The following SLC45A4 variants were observed in gnomAD, a reference collection of about 807,000 sequenced individuals.
SLC45A4 encodes the protein polyamine-transporter SLC45A4.
Under a neutral mutation model 63.7 loss-of-function variants are expected in SLC45A4, and 32 were observed. The observed-to-expected ratio is 0.50, with a 90% CI of 0.38 to 0.67. The LOEUF is 0.67. Ranked by LOEUF, SLC45A4 falls within the 30% of genes least tolerant of loss-of-function variation. The probability of loss-of-function intolerance (pLI) is 0.00; values close to 1 mark genes in which losing one functional copy is unlikely to be tolerated. For synonymous variants in SLC45A4, 535 were observed against 510.0 expected (o/e 1.05, Z -0.66); for missense variants, 1,027 against 1,157.7 (o/e 0.89, Z 1.64).
chr8:141,269,906 G>A (rs1000869046), intron 1 of SLC45A4, among the ~76,000 whole-genome samples: 2 of 152,140 alleles, frequency 1.3e-5, no homozygotes, highest in African/African-American at 4.8e-5. Flanking sequence ...TGTGTCTATG[G>A]CTGGCATCCC....
chr8:141,289,773 C>T (rs929550134), intron 1 of SLC45A4, among the ~76,000 whole-genome samples: 29 of 152,082 alleles, frequency 1.9e-4, no homozygotes, highest in African/African-American at 6.5e-4. Flanking sequence ...GCCCATGGCC[C>T]GGGGTCTTCC....
chr8:141,218,438 AC>A lies in SLC45A4; in HGVS notation c.1201del (p.Val401TrpfsTer48). ...CGACGTGGCCGAGGGCTTCGTGTCC[AC>A]CCTGGTGTAGCCGCCGAGGGCGTCT... is the stretch of plus-strand genomic sequence containing the variant. ...TKDALGGYTR[V>X]DTKPSATSSS... On this transcript the variant is annotated frameshift_variant, in exon 5 of 9. Coordinates refer to ENST00000517878, the MANE Select transcript of SLC45A4 (RefSeq NM_001286646.2). LOFTEE classifies it high-confidence loss of function. The A allele has an allele frequency of 6.2e-7, 1 of 1,612,096 alleles. No individual in the cohort carries two copies. Among genetic ancestry groups the A allele is most frequent in the Non-Finnish European group, 8.5e-7 (1 of 1,179,884 alleles).
At chr8:141,246,315 G>A (rs914738261) in intron 2 of SLC45A4, among the ~76,000 whole-genome samples, 10 of 152,168 alleles carry the variant, frequency 6.6e-5, no homozygotes, top group Non-Finnish European at 8.8e-5. Flanking sequence ...CAACAGTGAC[G>A]GCCACATACC....
At chr8:141,261,108 C>T (rs1176615399) in intron 1 of SLC45A4, among the ~76,000 whole-genome samples, 3 of 152,180 alleles carry the variant, frequency 2.0e-5, no homozygotes, top group African/African-American at 7.2e-5. Context: ...CGTATAAACA[C>T]AACCAAAGAC....
intron 1 of SLC45A4, among the ~76,000 whole-genome samples, chr8:141,297,786 C>T (rs1260713711): frequency 6.6e-6 from 1 of 152,194 alleles, no homozygotes; most frequent in African/African-American, 2.4e-5. Flanking sequence ...CTGCCACTGG[C>T]TAGTTCACTT....
At chr8:141,238,522 G>A (rs1186419916) in intron 2 of SLC45A4, among the ~76,000 whole-genome samples, 1 of 152,062 alleles carries the variant, frequency 6.6e-6, no homozygotes, top group Non-Finnish European at 1.5e-5. Context: ...CTGCCTCTAT[G>A]AATCTGACAC....
At chr8:141,231,455 A>G (rs1395157291) in intron 2 of SLC45A4, among the ~76,000 whole-genome samples, 1 of 152,192 alleles carries the variant, frequency 6.6e-6, no homozygotes, top group Non-Finnish European at 1.5e-5. Flanking sequence ...CTTGGATCAC[A>G]AGGTCACCAC....
In SLC45A4 at chr8:141,215,711, G is replaced by T; in HGVS notation, c.1941+48C>A. On this transcript the variant is annotated intron_variant, in intron 7 of 8. Transcript: ENST00000517878. This position sits in a 1 kb window ranked among gnomAD's most constrained non-coding sequence, Gnocchi z 4.3. ...AGGGCTCTGCTCTGTATGGAGGGAA[G>T]GCACTCAGGAGGCTGGAGCGCAGAT... 6.3e-7 allele frequency: 1 copy of T among 1,576,818 alleles called. No homozygotes were observed.
At chr8:141,250,941 A>C (rs889012832) in intron 2 of SLC45A4, among the ~76,000 whole-genome samples, 16 of 152,232 alleles carry the variant, frequency 1.1e-4, no homozygotes, top group Admixed American at 1.0e-3. Context: ...AAAGTATGAA[A>C]ATTCCAAGGT....
intron 1 of SLC45A4, among the ~76,000 whole-genome samples, chr8:141,304,660 C>T (rs1830846893): frequency 6.6e-6 from 1 of 151,998 alleles, no homozygotes; most frequent in South Asian, 2.1e-4. Context: ...CAGAGCCCTT[C>T]TCTCCATCAT....
intron 2 of SLC45A4, among the ~76,000 whole-genome samples, chr8:141,249,017 T>TAAAAA (rs34897440): frequency 1.7e-5 from 2 of 119,334 alleles, no homozygotes; most frequent in South Asian, 2.7e-4. Flanking sequence ...GACCCCATCT[T>TAAAAA]AAAAAAAAAA....
chr8:141,258,274 C>A (rs1328606130), intron 1 of SLC45A4, among the ~76,000 whole-genome samples: 1 of 152,128 alleles, frequency 6.6e-6, no homozygotes, highest in Non-Finnish European at 1.5e-5. Context: ...CCACACCCCC[C>A]AGCCTCACTC....
intron 1 of SLC45A4, among the ~76,000 whole-genome samples, chr8:141,260,843 G>C (rs1034126870): frequency 3.9e-5 from 6 of 152,158 alleles, no homozygotes; most frequent in Non-Finnish European, 7.4e-5. Context: ...CCAATCAATA[G>C]AAAAAGAGGG....
chr8:141,216,040 C>T, intron 6 of SLC45A4, 70 bp from the exon 7 acceptor site: 2 of 1,396,872 alleles, frequency 1.4e-6, no homozygotes, highest in South Asian at 2.5e-5. Context: ...CCTCCACCAT[C>T]CCTCCCCTCG....
intron 1 of SLC45A4, among the ~76,000 whole-genome samples, chr8:141,271,493 A>G (rs1829517874): frequency 6.6e-6 from 1 of 152,174 alleles, no homozygotes; most frequent in African/African-American, 2.4e-5. Flanking sequence ...AAGGCCACAC[A>G]CAGCTGGACA....
chr8:141,231,589 C>G (rs972299140), intron 2 of SLC45A4, among the ~76,000 whole-genome samples: 1 of 152,214 alleles, frequency 6.6e-6, no homozygotes, highest in Non-Finnish European at 1.5e-5. Context: ...CTGCGGGACC[C>G]ACACCGAGTG....
At chr8:141,307,924 G>A (rs1830951293) in intron 1 of SLC45A4, among the ~76,000 whole-genome samples, 172 bp downstream of exon 1, 1 of 151,326 alleles carries the variant, frequency 6.6e-6, no homozygotes, top group Non-Finnish European at 1.5e-5. Flanking sequence ...AAGCCGGGTG[G>A]GGGCACGTCC....
At chr8:141,223,561 G>A (rs746357959) in intron 2 of SLC45A4, among the ~76,000 whole-genome samples, 1 of 152,210 alleles carries the variant, frequency 6.6e-6, no homozygotes. Context: ...TGCGGAGCCT[G>A]TGTGCGGTCC....
At chr8:141,255,757 G>T (rs1468196699) in intron 1 of SLC45A4, among the ~76,000 whole-genome samples, 1 of 151,840 alleles carries the variant, frequency 6.6e-6, no homozygotes, top group Non-Finnish European at 1.5e-5. Flanking sequence ...AAAACAAAAA[G>T]AAAAGAAAAA....
Sources: gnomAD v4.1 joint callset for allele counts (sites outside exome capture counted in the v4.1 genomes callset) on GRCh38, gnomAD v4.1.1 for gene constraint, Gnocchi (gnomAD v3.1) non-coding constraint, MANE v1.5 for transcripts, NCBI Gene and HGNC (gene_info 2026-07-23, HGNC 2026-07-21) for gene names.